Variants in SAXO5 observed in about 807,000 individuals in gnomAD.
SAXO5 encodes stabilizer of axonemal microtubules 5.
At chr19:7,506,245 CCCCTCCCCATGGAG>C in the SAXO5 span, 1 of 611,362 alleles carries the variant, frequency 1.6e-6, no homozygotes, top group Non-Finnish European at 2.3e-6. Context: ...CCCCATGGAG[CCCCTCCCCATGGAG>C]CCCCGCCCCC....
At chr19:7,501,149 G>T in the SAXO5 span, 1 of 1,511,014 alleles carries the variant, frequency 6.6e-7, no homozygotes, top group African/African-American at 1.4e-5. Context: ...TCGCCATGCA[G>T]GCCGGCAACC....
the SAXO5 span, chr19:7,506,052 A>G: frequency 2.5e-4 from 411 of 1,613,910 alleles, no homozygotes; most frequent in Admixed American, 3.3e-5. Context: ...AAGCTACTCA[A>G]ACGCTTCTTC....
At chr19:7,502,086 TTTA>T in the SAXO5 span, among the ~76,000 whole-genome samples, 1 of 151,660 alleles carries the variant, frequency 6.6e-6, no homozygotes, top group African/African-American at 2.4e-5. Context: ...AAATAAAAAT[TTTA>T]TTATTTTTTT....
chr19:7,504,055 G>A, the SAXO5 span: 1 of 1,147,692 alleles, frequency 8.7e-7, no homozygotes. Context: ...TCCTTCCAGA[G>A]GGCTTGAGAT....
chr19:7,504,111 C>T, the SAXO5 span: 4 of 1,596,986 alleles, frequency 2.5e-6, no homozygotes, highest in African/African-American at 1.4e-5. Flanking sequence ...TCCCCCTTGC[C>T]TATCCTAAGG....
chr19:7,500,779 C>A, the SAXO5 span: 1 of 1,405,546 alleles, frequency 7.1e-7, no homozygotes, highest in South Asian at 1.6e-5. Context: ...GGCACTTGCT[C>A]AGTCCCTCAT....
chr19:7,507,078 C>G, the SAXO5 span: 2 of 1,614,054 alleles, frequency 1.2e-6, no homozygotes, highest in Non-Finnish European at 1.7e-6. Context: ...TAACCATGAA[C>G]CAGAAGATGC....
the SAXO5 span, chr19:7,497,776 C>A: frequency 2.6e-5 from 4 of 152,200 alleles, no homozygotes; most frequent in African/African-American, 4.8e-5. Flanking sequence ...GGCTAGTAGT[C>A]TCAGTTGTTG....
the SAXO5 span, chr19:7,507,192 TGTAGAGTTA>T: frequency 6.8e-7 from 1 of 1,479,830 alleles, no homozygotes; most frequent in Non-Finnish European, 9.4e-7. Context: ...CCCACATTGG[TGTAGAGTTA>T]TCTCAGGACG....
At chr19:7,504,225 G>A in the SAXO5 span, 1 of 1,614,010 alleles carries the variant, frequency 6.2e-7, no homozygotes, top group African/African-American at 1.3e-5. Context: ...GTGTAAGAGG[G>A]TAAATTGAGG....
At chr19:7,501,192 G>C in the SAXO5 span, 1 of 1,532,682 alleles carries the variant, frequency 6.5e-7, no homozygotes. Flanking sequence ...CGCCGGGATC[G>C]GCCTCTCCAA....
At chr19:7,507,965 G>A in the SAXO5 span, among the ~76,000 whole-genome samples, 7 of 151,798 alleles carry the variant, frequency 4.6e-5, 1 homozygote, top group South Asian at 1.5e-3. Context: ...CCGCCCCTTC[G>A]TGGCCAAGCC....
chr19:7,504,493 G>T, the SAXO5 span: 3 of 1,134,214 alleles, frequency 2.6e-6, no homozygotes, highest in Non-Finnish European at 4.0e-6. Context: ...AGATCATGAG[G>T]TCAGGAGCTC....
At chr19:7,498,361 C>CCACCA in the SAXO5 span, among the ~76,000 whole-genome samples, 1 of 151,142 alleles carries the variant, frequency 6.6e-6, no homozygotes, top group Non-Finnish European at 1.5e-5. Context: ...CAGGTGCATA[C>CCACCA]TACCATGCCC....
chr19:7,500,733 A>T, the SAXO5 span: 1 of 1,201,110 alleles, frequency 8.3e-7, no homozygotes, highest in Non-Finnish European at 1.1e-6. Flanking sequence ...AGCAGAAAGG[A>T]GTCAAAAGCA....
the SAXO5 span, chr19:7,507,207 G>A: frequency 4.4e-6 from 6 of 1,359,762 alleles, no homozygotes; most frequent in South Asian, 7.0e-5. Flanking sequence ...AGTTATCTCA[G>A]GACGACTATG....
At chr19:7,501,847 A>G in the SAXO5 span, among the ~76,000 whole-genome samples, 1 of 148,468 alleles carries the variant, frequency 6.7e-6, no homozygotes, top group Admixed American at 6.7e-5. Flanking sequence ...GAAAGGAAGA[A>G]GAGAAAGAAG....
At chr19:7,504,241 T>C in the SAXO5 span, 1 of 1,613,988 alleles carries the variant, frequency 6.2e-7, no homozygotes. Flanking sequence ...TGAGGCTGTG[T>C]TGGGGCTGCA....
At chr19:7,501,682 G>A in the SAXO5 span, among the ~76,000 whole-genome samples, 1 of 151,744 alleles carries the variant, frequency 6.6e-6, no homozygotes, top group South Asian at 2.1e-4. Flanking sequence ...TTAGTAGGGC[G>A]CGGTGAAGGG....
Sources: gnomAD v4.1 joint callset for allele counts (sites outside exome capture counted in the v4.1 genomes callset) on GRCh38, gnomAD v4.1.1 for gene constraint, MANE v1.5 for transcripts, NCBI Gene and HGNC (gene_info 2026-07-23, HGNC 2026-07-21) for gene names.